The following FCGR3A variants were observed in gnomAD, a reference collection of about 807,000 sequenced individuals.
FCGR3A encodes the protein Fc gamma receptor IIIa, also known as low affinity immunoglobulin gamma Fc region receptor III-A.
FCGR3A carries 13 observed loss-of-function variants against 24.1 expected under a neutral mutation model. That is an observed-to-expected ratio of 0.54 (90% CI 0.35 to 0.86). The LOEUF is 0.86. FCGR3A is among the 40% of genes least tolerant of loss of function. FCGR3A has a pLI of 0.01. For synonymous variants in FCGR3A, 93 were observed against 112.2 expected, an observed-to-expected ratio of 0.83 and a Z score of 1.08; for missense variants, 235 against 298.0, an observed-to-expected ratio of 0.79 and a Z score of 1.56.
chr1:161,550,056 G>C, upstream of FCGR3A: 2 of 607,130 alleles, frequency 3.3e-6, no homozygotes, highest in Non-Finnish European at 5.8e-6. Context: ...AGCCATCCCA[G>C]GATGCTTGCC....
chr1:161,549,764 C>T lies in FCGR3A; in HGVS notation c.-28G>A, dbSNP rs201220129. On this transcript the variant is annotated 5_prime_UTR_variant, in exon 1 of 5. Coordinates refer to ENST00000443193, the MANE Select transcript of FCGR3A (RefSeq NM_000569.8). The stretch of plus-strand genomic sequence containing the variant: ...TGCCACACTGGAGTGGACAAGTCAC[C>T]AAAGATATCCGGAGCCCTAAAGGGA... The T allele has an allele frequency of 3.4e-5, 55 of 1,613,878 alleles. 1 individual carries two copies. The highest frequency in any genetic ancestry group is 2.5e-6 in the Non-Finnish European group (3 of 1,179,914).
upstream of FCGR3A, chr1:161,550,028 C>A: frequency 1.5e-6 from 1 of 669,046 alleles, no homozygotes; most frequent in Non-Finnish European, 2.5e-6. Flanking sequence ...CACACAGAAT[C>A]TGCCAGAGTG....
Position 161,548,564 on chromosome 1 carries a change from T to A in FCGR3A, c.176A>T (p.Gln59Leu), listed in dbSNP as rs753847696. ...GATGAGGCTCTCATTGTGAAACCAC[T>A]GTGTGGAATTGTCCTCAGGGGAGTA... ...GAYSPEDNST[Q>L]WFHNESLISS... is the part of the protein sequence containing the mutation. Residue 59 changes from glutamine to leucine, a missense_variant, in exon 3 of 5, where the codon CAG becomes CTG. Physicochemically the swap from Gln to Leu is moderately radical, Grantham distance 113. Coordinates refer to ENST00000443193, the MANE Select transcript of FCGR3A (RefSeq NM_000569.8). 1 of 1,613,818 alleles carries A rather than the reference T, an allele frequency of 6.2e-7. No homozygotes were observed. The highest frequency in any genetic ancestry group is 1.3e-5 in the African/African-American group (1 of 74,942).
At chr1:161,546,070 C>T (rs926015241) in intron 3 of FCGR3A, among the ~76,000 whole-genome samples, 2 of 151,992 alleles carry the variant, frequency 1.3e-5, no homozygotes, top group Non-Finnish European at 2.9e-5. Flanking sequence ...TTTTTTAAAT[C>T]TACATTCTCA....
chr1:161,547,580 G>C (rs375627232), intron 3 of FCGR3A, among the ~76,000 whole-genome samples: 2 of 152,314 alleles, frequency 1.3e-5, no homozygotes, highest in South Asian at 4.1e-4. Context: ...GGCTGAACAT[G>C]TATCTGCCTC....
chr1:161,543,021 T>G lies in FCGR3A; in HGVS notation c.756A>C (p.Gln252His), dbSNP rs903079937. 3 of 1,611,302 alleles carry G rather than the reference T, an allele frequency of 1.9e-6. No homozygotes were observed. In the African/African-American group the frequency reaches 4.0e-5, roughly 22 times the overall value. Residue 252 changes from glutamine to histidine, a missense_variant, in exon 5 of 5, where the codon CAA (glutamine) becomes CAC (histidine). By Grantham distance (24) the Gln-to-His change is conservative. Coordinates refer to ENST00000443193, the MANE Select transcript of FCGR3A (RefSeq NM_000569.8). ...DHKFKWRKDP[Q>H]DK is the part of the protein sequence containing the mutation. ...CCCCATGGGATGGGGGTCATTTGTC[T>G]TGAGGGTCCTTTCTCCATTTAAATT...
In FCGR3A at chr1:161,542,586, G is replaced by C. The variant is rs1417059264; in HGVS notation, c.*426C>G. The C allele has an allele frequency of 1.3e-5, 2 of 158,598 alleles. No homozygotes were observed. The highest frequency in any genetic ancestry group is 2.8e-5 in the Non-Finnish European group (2 of 71,646). 9.8% of individuals were successfully genotyped at this position (158,598 alleles called of 1,614,324 possible). On this transcript the variant is annotated 3_prime_UTR_variant, in exon 5 of 5. Coordinates refer to ENST00000443193, the MANE Select transcript of FCGR3A (RefSeq NM_000569.8). ...AGATCCCCAGCAGTTCCCACACTCT[G>C]TATGGTCCTGCCTCAACCATTAATT...
At chr1:161,547,335 C>T (rs1392893524) in intron 3 of FCGR3A, among the ~76,000 whole-genome samples, 2 of 152,144 alleles carry the variant, frequency 1.3e-5, no homozygotes, top group Admixed American at 6.5e-5. Context: ...TGCAGATCCA[C>T]CTCCTTATGC....
rs1677195759 is a variant in FCGR3A at position 161,543,018 on chromosome 1, G to A, written c.759C>T (p.Asp253=). Residue 253 remains aspartate (D), a synonymous_variant, in exon 5 of 5, where the codon GAC becomes GAT. Transcript: ENST00000443193. The stretch of plus-strand genomic sequence containing the variant: ...TACCCCCATGGGATGGGGGTCATTT[G>A]TCTTGAGGGTCCTTTCTCCATTTAA... ...HKFKWRKDPQ[D]K is the part of the protein sequence containing the mutation. 1 of 1,610,672 alleles carries A rather than the reference G, an allele frequency of 6.2e-7. No individual in the cohort carries two copies. The highest frequency in any genetic ancestry group is 1.3e-5 in the African/African-American group (1 of 74,610).
intron 1 of FCGR3A, among the ~76,000 whole-genome samples, chr1:161,549,346 C>A (rs575086681): frequency 1.3e-5 from 2 of 152,082 alleles, no homozygotes; most frequent in Non-Finnish European, 2.9e-5. Flanking sequence ...AACCCATATC[C>A]CCACAAGAAA....
At chr1:161,550,573 C>T (rs1677717734), upstream of FCGR3A, 1 of 152,358 alleles carries the variant, frequency 6.6e-6, no homozygotes, top group South Asian at 2.1e-4. Flanking sequence ...GCTCAGGCCC[C>T]TCCGGGCCAC....
At chr1:161,549,618 A>G in intron 1 of FCGR3A, 79 bp downstream of exon 1, 1 of 1,585,132 alleles carries the variant, frequency 6.3e-7, no homozygotes, top group South Asian at 1.2e-5. Context: ...TGGGAGTCTC[A>G]TTCGTAGCCT....
chr1:161,546,808 G>A (rs1010631943), intron 3 of FCGR3A, among the ~76,000 whole-genome samples: 10 of 151,982 alleles, frequency 6.6e-5, no homozygotes, highest in African/African-American at 1.5e-4. Flanking sequence ...GGGAGGCTGA[G>A]GCAGGAGAAT....
At chr1:161,550,396 TC>T (rs1425561553), upstream of FCGR3A, 5 of 208,862 alleles carry the variant, frequency 2.4e-5, no homozygotes, top group African/African-American at 1.1e-4. Flanking sequence ...TGTGATTTGA[TC>T]ATTAGATTTC....
intron 3 of FCGR3A, among the ~76,000 whole-genome samples, chr1:161,546,345 A>G (rs572936983): frequency 9.9e-5 from 15 of 152,152 alleles, no homozygotes; most frequent in Admixed American, 3.3e-4. Flanking sequence ...GTTCGAATCT[A>G]TCCTGTCATG....
In FCGR3A at chr1:161,548,569, G is replaced by A. The variant is rs1260576983; in HGVS notation, c.171C>T (p.Ser57=). The stretch of plus-strand genomic sequence containing the variant: ...GGCTCTCATTGTGAAACCACTGTGT[G>A]GAATTGTCCTCAGGGGAGTAGGCTC... ...CQGAYSPEDN[S]TQWFHNESLI... Residue 57 remains serine, a synonymous_variant, in exon 3 of 5, where the codon TCC becomes TCT. Coordinates refer to ENST00000443193, the MANE Select transcript of FCGR3A (RefSeq NM_000569.8). 1 of 1,614,024 alleles carries A rather than the reference G, an allele frequency of 6.2e-7. No individual in the cohort carries two copies. Among genetic ancestry groups the A allele is most frequent in the East Asian group, 2.2e-5 (1 of 44,894 alleles).
Position 161,546,575 on chromosome 1 carries a change from T to C in FCGR3A, c.320-1617A>G, listed in dbSNP as rs527520470. Among the ~76,000 whole-genome samples, 388 of 152,034 alleles carry C rather than the reference T, an allele frequency of 2.6e-3. 2 individuals carry two copies. The highest frequency in any genetic ancestry group is 7.4e-3 in the African/African-American group (305 of 41,414). Reference sequence around the variant, plus strand: ...GGCTAAGAATAAAGGACTGCGGGGCTGACTAGATTGGAATAAAGAAATTCT... The same window carrying C: ...GGCTAAGAATAAAGGACTGCGGGGCCGACTAGATTGGAATAAAGAAATTCT... On this transcript the variant is annotated intron_variant, in intron 3 of 4. Coordinates refer to ENST00000443193, the MANE Select transcript of FCGR3A (RefSeq NM_000569.8).
At chr1:161,544,651 G>T (rs1235689788) in intron 4 of FCGR3A, 50 bp downstream of exon 4, 4 of 1,593,854 alleles carry the variant, frequency 2.5e-6, no homozygotes, top group Non-Finnish European at 3.4e-6. Context: ...TGTGATTGCA[G>T]GTTCCACACA....
Position 161,548,311 on chromosome 1 carries a change from C to T in FCGR3A, c.319+110G>A, listed in dbSNP as rs1677537851. 26 of 1,552,812 alleles carry T rather than the reference C, an allele frequency of 1.7e-5. No homozygotes were observed. The South Asian group carries it at 2.8e-4, about 16-fold the overall frequency. On this transcript the variant is annotated intron_variant, in intron 3 of 4. Coordinates refer to ENST00000443193, the MANE Select transcript of FCGR3A (RefSeq NM_000569.8). Reference sequence around the variant, plus strand: ...CATTCAGTGGGACCACACATCATCTCATCTTAGCTTTTATCTCTAAGAATA... The same window carrying T: ...CATTCAGTGGGACCACACATCATCTTATCTTAGCTTTTATCTCTAAGAATA...
Sources: allele counts gnomAD v4.1 joint callset (sites outside exome capture counted in the v4.1 genomes callset), GRCh38; gene constraint gnomAD v4.1.1; transcripts MANE v1.5; gene names NCBI Gene and HGNC (gene_info 2026-07-23, HGNC 2026-07-21).